Variants in IKBKB-DT observed in about 807,000 individuals in gnomAD.
IKBKB-DT encodes the protein IKBKB antisense RNA.
chr8:42,264,268 T>C (rs1807337186), intron 2 of IKBKB-DT, among the ~76,000 whole-genome samples: 1 of 151,976 alleles, frequency 6.6e-6, no homozygotes, highest in African/African-American at 2.4e-5. Context: ...GTGACCCTCC[T>C]ACCTCAGCCT....
At chr8:42,250,822 G>T (rs894852254) in intron 3 of IKBKB-DT, among the ~76,000 whole-genome samples, 1 of 152,338 alleles carries the variant, frequency 6.6e-6, no homozygotes, top group African/African-American at 2.4e-5. Context: ...GATCAAGGCT[G>T]CAGTGAGCTA....
chr8:42,250,370 T>C (rs1563276302), intron 3 of IKBKB-DT, among the ~76,000 whole-genome samples: 1 of 152,144 alleles, frequency 6.6e-6, no homozygotes, highest in Non-Finnish European at 1.5e-5. Flanking sequence ...TCTATGTTAG[T>C]GATGTTATCT....
At chr8:42,248,417 G>A (rs1807088596) in intron 3 of IKBKB-DT, among the ~76,000 whole-genome samples, 1 of 152,052 alleles carries the variant, frequency 6.6e-6, no homozygotes, top group Admixed American at 6.6e-5. Flanking sequence ...CCAAGCAGCT[G>A]TACAGTGCAT....
At chr8:42,246,326 C>T (rs1430232948) in intron 3 of IKBKB-DT, among the ~76,000 whole-genome samples, 2 of 152,106 alleles carry the variant, frequency 1.3e-5, no homozygotes, top group African/African-American at 4.8e-5. Flanking sequence ...CAGTGCCCAG[C>T]CCAGATATAG....
At chr8:42,258,372 T>C (rs1456289619) in intron 3 of IKBKB-DT, among the ~76,000 whole-genome samples, 5 of 152,174 alleles carry the variant, frequency 3.3e-5, no homozygotes, top group Non-Finnish European at 5.9e-5. Flanking sequence ...CTTGAACTCC[T>C]GGGCTCAAGC....
At chr8:42,245,967 C>A (rs1165065844) in intron 3 of IKBKB-DT, among the ~76,000 whole-genome samples, 1 of 152,160 alleles carries the variant, frequency 6.6e-6, no homozygotes, top group African/African-American at 2.4e-5. Flanking sequence ...AGTGATACAT[C>A]AATCCAATGG....
chr8:42,253,262 T>C (rs376428388), intron 3 of IKBKB-DT, among the ~76,000 whole-genome samples: 1 of 152,244 alleles, frequency 6.6e-6, no homozygotes, highest in Admixed American at 6.5e-5. Flanking sequence ...AATTTACCTA[T>C]AGCCTGAAAG....
At chr8:42,267,002 T>G (rs1180601269) in intron 1 of IKBKB-DT, among the ~76,000 whole-genome samples, 4 of 137,378 alleles carry the variant, frequency 2.9e-5, no homozygotes, top group Admixed American at 2.7e-4. Context: ...TGTTTTTTTT[T>G]TGTTTTTTTT....
chr8:42,252,866 C>T (rs1161680595), intron 3 of IKBKB-DT, among the ~76,000 whole-genome samples: 2 of 152,142 alleles, frequency 1.3e-5, no homozygotes, highest in African/African-American at 2.4e-5. Flanking sequence ...TGTATTGTGA[C>T]GTACTTTCCA....
intron 1 of IKBKB-DT, among the ~76,000 whole-genome samples, chr8:42,269,210 G>C (rs968516579): frequency 4.0e-4 from 60 of 150,702 alleles, no homozygotes; most frequent in Non-Finnish European, 7.4e-4. Flanking sequence ...ATCTCAGCTA[G>C]TGGGGAGGCT....
At chr8:42,237,189 C>T (rs946166758) in intron 3 of IKBKB-DT, among the ~76,000 whole-genome samples, 1 of 151,982 alleles carries the variant, frequency 6.6e-6, no homozygotes. Flanking sequence ...CGGGTTCAAG[C>T]GATCCTCCTG....
intron 3 of IKBKB-DT, among the ~76,000 whole-genome samples, chr8:42,258,468 CTTT>C (rs1333571105): frequency 1.4e-5 from 2 of 142,318 alleles, no homozygotes; most frequent in African/African-American, 2.5e-5. Flanking sequence ...GTCTTTCTTT[CTTT>C]TTTTTTTTTT....
intron 3 of IKBKB-DT, among the ~76,000 whole-genome samples, chr8:42,256,120 G>T (rs1358741126): frequency 2.6e-5 from 4 of 151,960 alleles, no homozygotes; most frequent in African/African-American, 9.7e-5. Context: ...GAATTCTACA[G>T]GGATCAGGTA....
intron 1 of IKBKB-DT, among the ~76,000 whole-genome samples, chr8:42,268,129 ATTTTTTTTTT>A (rs541093630): frequency 7.7e-6 from 1 of 130,402 alleles, no homozygotes; most frequent in Non-Finnish European, 1.6e-5. Context: ...GTGCTCAATA[ATTTTTTTTTT>A]TTTTTTTTTT....
At chr8:42,270,135 C>A (rs2129948257) in intron 1 of IKBKB-DT, among the ~76,000 whole-genome samples, 1 of 152,240 alleles carries the variant, frequency 6.6e-6, no homozygotes, top group African/African-American at 2.4e-5. Flanking sequence ...ATTAAGAACC[C>A]GGGAACCAGT....
At chr8:42,264,213 T>C (rs1406720928) in intron 2 of IKBKB-DT, among the ~76,000 whole-genome samples, 1 of 151,494 alleles carries the variant, frequency 6.6e-6, no homozygotes, top group East Asian at 1.9e-4. Context: ...TTTTTAAAAA[T>C]TAATTAGAGA....
chr8:42,259,288 G>C (rs1463507528), intron 3 of IKBKB-DT, among the ~76,000 whole-genome samples: 1 of 152,184 alleles, frequency 6.6e-6, no homozygotes, highest in Admixed American at 6.5e-5. Context: ...GCCTCCCAAA[G>C]TGCTGGGATT....
At chr8:42,238,078 A>G (rs1428514039) in intron 3 of IKBKB-DT, among the ~76,000 whole-genome samples, 3 of 149,654 alleles carry the variant, frequency 2.0e-5, no homozygotes, top group Admixed American at 1.3e-4. Context: ...GACCAGGGGT[A>G]ACAAGGCTAC....
At chr8:42,239,682 C>G (rs1806976189) in intron 3 of IKBKB-DT, among the ~76,000 whole-genome samples, 1 of 73,930 alleles carries the variant, frequency 1.4e-5, no homozygotes, top group Non-Finnish European at 2.8e-5. Flanking sequence ...TTTTGCTCTT[C>G]TTGCCGAGGC....
Sources: gnomAD v4.1 joint callset for allele counts (sites outside exome capture counted in the v4.1 genomes callset) on GRCh38, gnomAD v4.1.1 for gene constraint, MANE v1.5 for transcripts, NCBI Gene and HGNC (gene_info 2026-07-23, HGNC 2026-07-21) for gene names.